TXNRD1: variants seen among roughly 807,000 people sequenced by gnomAD.
TXNRD1 encodes the protein thioredoxin reductase 1.
TXNRD1 carries 57 observed loss-of-function variants against 80.3 expected under a neutral mutation model. The observed-to-expected ratio is 0.71, with a 90% CI of 0.57 to 0.89. The LOEUF is 0.89. Among genes scored for constraint, TXNRD1 ranks in the 40% least tolerant of loss-of-function variants. TXNRD1 has a pLI of 0.00. For missense variants in TXNRD1, 730 were observed against 803.0 expected (o/e 0.91, Z 1.10); for synonymous variants, 291 against 285.2 (o/e 1.02, Z -0.20).
intron 4 of TXNRD1, among the ~76,000 whole-genome samples, chr12:104,296,197 T>G (rs1010093698): frequency 1.3e-5 from 2 of 152,190 alleles, no homozygotes; most frequent in African/African-American, 4.8e-5. Context: ...CATGCTTGTG[T>G]CCTTGATGAG....
chr12:104,232,260 C>A (rs2032640653), intron 1 of TXNRD1, among the ~76,000 whole-genome samples: 1 of 152,122 alleles, frequency 6.6e-6, no homozygotes, highest in Non-Finnish European at 1.5e-5. Context: ...AGCTCCTGGC[C>A]TATTAGAAAG....
intron 3 of TXNRD1, among the ~76,000 whole-genome samples, chr12:104,267,650 T>C (rs1565869988): frequency 1.8e-5 from 1 of 56,286 alleles, no homozygotes; most frequent in East Asian, 1.4e-3. Context: ...TGATGGTATC[T>C]TTCTTTCTTT....
At chr12:104,325,688 G>A (rs1329444321) in intron 11 of TXNRD1, among the ~76,000 whole-genome samples, 1 of 152,074 alleles carries the variant, frequency 6.6e-6, no homozygotes, top group East Asian at 1.9e-4. Context: ...CCTGGCCAAC[G>A]TGGTGAAACC....
chr12:104,218,825 C>T (rs1169837320), intron 1 of TXNRD1, among the ~76,000 whole-genome samples: 1 of 152,084 alleles, frequency 6.6e-6, no homozygotes, highest in East Asian at 1.9e-4. Context: ...CCAGGCTGGT[C>T]TCAAACTTCT....
At chr12:104,227,816 A>G (rs912342444) in intron 1 of TXNRD1, among the ~76,000 whole-genome samples, 1 of 152,216 alleles carries the variant, frequency 6.6e-6, no homozygotes. Context: ...TTCACACAGC[A>G]TAATACTTTT....
At chr12:104,237,982 G>C (rs2032775640) in intron 1 of TXNRD1, among the ~76,000 whole-genome samples, 1 of 151,840 alleles carries the variant, frequency 6.6e-6, no homozygotes, top group Admixed American at 6.6e-5. Context: ...CTGCGCTCCA[G>C]CCTGGGTGAC....
intron 3 of TXNRD1, among the ~76,000 whole-genome samples, chr12:104,277,250 A>T (rs2033774946): frequency 6.8e-6 from 1 of 146,198 alleles, no homozygotes; most frequent in African/African-American, 2.6e-5. Context: ...AAAAAAAAAA[A>T]TTAGCTGGGT....
chr12:104,344,033 G>A (rs1314712807), intron 16 of TXNRD1, among the ~76,000 whole-genome samples: 1 of 151,744 alleles, frequency 6.6e-6, no homozygotes. Flanking sequence ...AATCTGGGAG[G>A]TGGAGGTTTC....
At chr12:104,287,011 C>T in intron 3 of TXNRD1, 1 of 1,343,134 alleles carries the variant, frequency 7.4e-7, no homozygotes. Flanking sequence ...AAACAGCAAC[C>T]CTTTCACCTC....
chr12:104,254,531 C>T (rs1348636256), intron 2 of TXNRD1, among the ~76,000 whole-genome samples: 1 of 149,762 alleles, frequency 6.7e-6, no homozygotes. Context: ...GTGGCTTATG[C>T]CTGTAATCTC....
intron 4 of TXNRD1, among the ~76,000 whole-genome samples, chr12:104,292,338 C>CGAGTTCTTTT (rs1555212312): frequency 3.9e-5 from 6 of 152,006 alleles, no homozygotes; most frequent in Non-Finnish European, 7.4e-5. Flanking sequence ...AGGCTTTACC[C>CGAGTTCTTTT]GAGTTCTTTT....
At chr12:104,251,492 G>A (rs1021358929) in intron 1 of TXNRD1, 35 bp from the exon 2 acceptor site, 1 of 1,602,234 alleles carries the variant, frequency 6.2e-7, no homozygotes, top group Admixed American at 1.7e-5. Flanking sequence ...GTTTTCCTTT[G>A]TGATAATTAC....
At chr12:104,290,714 A>AATATAC (rs1176215146) in intron 4 of TXNRD1, among the ~76,000 whole-genome samples, 2 of 49,154 alleles carry the variant, frequency 4.1e-5, no homozygotes, top group South Asian at 7.1e-4. Context: ...AAAAAAAAGA[A>AATATAC]ATATACATAT....
chr12:104,260,539 G>A (rs1299917255), intron 3 of TXNRD1, among the ~76,000 whole-genome samples: 1 of 152,014 alleles, frequency 6.6e-6, no homozygotes, highest in Non-Finnish European at 1.5e-5. Context: ...ATAAATACTG[G>A]ATCTATAATT....
intron 4 of TXNRD1, chr12:104,310,035 C>T: frequency 6.5e-7 from 1 of 1,536,218 alleles, no homozygotes; most frequent in Non-Finnish European, 8.7e-7. Flanking sequence ...TCCGCTGACC[C>T]CAAGCTCTGC....
chr12:104,298,910 T>C (rs1243067252), intron 4 of TXNRD1, among the ~76,000 whole-genome samples: 2 of 152,128 alleles, frequency 1.3e-5, no homozygotes, highest in African/African-American at 4.8e-5. Context: ...TTTCATTCAC[T>C]GTAGTAATTA....
At chr12:104,274,940 A>G (rs1206699731) in intron 3 of TXNRD1, among the ~76,000 whole-genome samples, 1 of 152,072 alleles carries the variant, frequency 6.6e-6, no homozygotes, top group East Asian at 1.9e-4. Context: ...TCTTTCCTCT[A>G]AGATTGAAAT....
rs375493048 is a variant in TXNRD1, at chr12:104,333,867, G to C, written c.1651-370G>C. Reference sequence around the variant, plus strand: ...GATCCTGGCACCTTATTTGTTTCTTGCCCAAGTTGTCATTCACAGTGGATA... The same window carrying C: ...GATCCTGGCACCTTATTTGTTTCTTCCCCAAGTTGTCATTCACAGTGGATA... On this transcript the variant is annotated intron_variant, in intron 14 of 16. Transcript: ENST00000525566. Among the ~76,000 whole-genome samples, 171 of 152,214 alleles carry C rather than the reference G, an allele frequency of 1.1e-3. 3 individuals are homozygous for C. The South Asian group carries it at 0.021, about 18-fold the overall frequency.
intron 1 of TXNRD1, among the ~76,000 whole-genome samples, chr12:104,241,647 C>T (rs891628006): frequency 1.3e-5 from 2 of 152,154 alleles, no homozygotes; most frequent in South Asian, 2.1e-4. Context: ...GGTTTACAGG[C>T]GTGAACCACC....
Sources: gnomAD v4.1 joint callset for allele counts (sites outside exome capture counted in the v4.1 genomes callset) on GRCh38, gnomAD v4.1.1 for gene constraint, MANE v1.5 for transcripts, NCBI Gene and HGNC (gene_info 2026-07-23, HGNC 2026-07-21) for gene names.